TTC6: variants seen among roughly 807,000 people sequenced by gnomAD.
TTC6 encodes tetratricopeptide repeat protein 6.
A neutral mutation model predicts 210.4 loss-of-function variants in TTC6; 172 were observed. That is an observed-to-expected ratio of 0.82 (90% CI 0.72 to 0.93). TTC6 has a LOEUF of 0.93. TTC6 is among the 40% of genes least tolerant of loss of function. The pLI is 0.00. For missense variants in TTC6, 2,414 were observed against 2,318.1 expected (o/e 1.04, Z -0.85); for synonymous variants, 804 against 819.6 (o/e 0.98, Z 0.32).
intron 2 of TTC6, among the ~76,000 whole-genome samples, chr14:37,607,617 C>CTTTTTTTTTTTTTTTTTTTT (rs71433907): frequency 7.1e-6 from 1 of 140,228 alleles, no homozygotes; most frequent in African/African-American, 2.6e-5. Flanking sequence ...AGTATTTAGT[C>CTTTTTTTTTTTTTTTTTTTT]TTTTTTTTTT....
At chr14:37,699,801 T>G (rs2095821433) in intron 4 of TTC6, among the ~76,000 whole-genome samples, 1 of 152,062 alleles carries the variant, frequency 6.6e-6, no homozygotes, top group Non-Finnish European at 1.5e-5. Flanking sequence ...AAAGGAGGAA[T>G]CTAGTTGAGG....
intron 14 of TTC6, among the ~76,000 whole-genome samples, chr14:37,754,991 C>A (rs2095963191): frequency 6.6e-6 from 1 of 152,300 alleles, no homozygotes; most frequent in South Asian, 2.1e-4. Flanking sequence ...ACACTATCTT[C>A]CACAATGGTT....
intron 7 of TTC6, 150 bp downstream of exon 9, chr14:37,725,152 A>T: frequency 2.2e-6 from 1 of 463,416 alleles, no homozygotes; most frequent in Non-Finnish European, 3.8e-6. Flanking sequence ...GTCACTACAG[A>T]AGTTATTTAT....
chr14:37,635,471 G>A (rs377120391), intron 1 of TTC6, among the ~76,000 whole-genome samples: 2 of 152,340 alleles, frequency 1.3e-5, no homozygotes, highest in African/African-American at 4.8e-5. Context: ...GTAACTGTAA[G>A]TGGTCTAAAT....
At chr14:37,737,665 C>T in exon 9 of TTC6, 1 of 1,514,612 alleles carries the variant, frequency 6.6e-7, no homozygotes, top group Non-Finnish European at 8.8e-7. Context: ...CACAGTGTTT[C>T]TTACCAAGAA....
At chr14:37,643,557 A>G (rs1894345180) in intron 1 of TTC6, among the ~76,000 whole-genome samples, 1 of 151,972 alleles carries the variant, frequency 6.6e-6, no homozygotes, top group Admixed American at 6.6e-5. Flanking sequence ...TCATCATCAG[A>G]TTTTTTTCAG....
chr14:37,737,771 A>G, intron 9 of TTC6, 37 bp downstream of exon 11: 2 of 1,145,472 alleles, frequency 1.7e-6, no homozygotes, highest in Non-Finnish European at 1.2e-6. Flanking sequence ...TCTAAAAGAA[A>G]CATTTATATT....
At chr14:37,620,098 C>T (rs574604190), upstream of TTC6, among the ~76,000 whole-genome samples, 2 of 152,154 alleles carry the variant, frequency 1.3e-5, no homozygotes, top group East Asian at 3.9e-4. Flanking sequence ...TGAAATTTTA[C>T]CATTATAGTA....
Position 37,824,044 on chromosome 14 carries a change from T to C in TTC6, c.4974+87T>C. 5 of 1,205,460 alleles carry C rather than the reference T, an allele frequency of 4.1e-6. No individual in the cohort carries two copies. The South Asian group carries it at 6.8e-5, about 16-fold the overall frequency. 74.7% of individuals were successfully genotyped at this position (1,205,460 alleles called of 1,614,324 possible). Reference sequence around the variant, plus strand: ...CTTTCCTGGCAATGGGAGTATATGTTATTTCTTTGGTTATGAACATTTACC... The same window carrying C: ...CTTTCCTGGCAATGGGAGTATATGTCATTTCTTTGGTTATGAACATTTACC... On this transcript the variant is annotated intron_variant, in intron 27 of 30. Coordinates refer to ENST00000553443, the Ensembl canonical transcript of TTC6.
Position 37,749,816 on chromosome 14 carries a change from A to G in TTC6, c.2929A>G (p.Ile977Val), listed in dbSNP as rs562831064. 205 of 1,413,412 alleles carry G rather than the reference A, an allele frequency of 1.5e-4. 2 individuals are homozygous for G. In the African/African-American group the frequency reaches 2.2e-3, roughly 15 times the overall value. The allele number at this position is 1,413,412 out of a possible 1,614,324, so 87.6% of individuals were successfully genotyped here. Residue 977 changes from isoleucine (I) to valine (V), a missense_variant, in exon 12 of 31, where the codon ATA becomes GTA. By Grantham distance (29) the Ile-to-Val change is conservative. Transcript: ENST00000553443. ...TGAAGCTTTGGATGACTTGAATTAT[A>G]TACATAAATATAATAAAAATAATAC...
chr14:37,802,595 C>A (rs1186900532), intron 20 of TTC6, among the ~76,000 whole-genome samples: 1 of 152,062 alleles, frequency 6.6e-6, no homozygotes, highest in East Asian at 1.9e-4. Flanking sequence ...ATCTCCGGAC[C>A]TGTGGAAAGT....
chr14:37,729,307 C>A (rs1321251696), intron 7 of TTC6, among the ~76,000 whole-genome samples: 4 of 152,202 alleles, frequency 2.6e-5, no homozygotes, highest in African/African-American at 9.7e-5. Flanking sequence ...AGATTGCCTT[C>A]ATGCAGAAGA....
intron 10 of TTC6, among the ~76,000 whole-genome samples, chr14:37,748,696 AT>A (rs750041273): frequency 1.3e-5 from 2 of 152,078 alleles, no homozygotes; most frequent in Admixed American, 6.6e-5. Flanking sequence ...CATTGACCTC[AT>A]TTTTTTAGTA....
chr14:37,608,306 G>T (rs56278603), intron 2 of TTC6, among the ~76,000 whole-genome samples: 2,641 of 151,994 alleles, frequency 0.017, 74 homozygotes, highest in African/African-American at 0.061. Context: ...GTGTGTGTGT[G>T]TTTTTGTTGT....
At chr14:37,662,341 A>T (rs1349718955) in intron 1 of TTC6, among the ~76,000 whole-genome samples, 1 of 152,152 alleles carries the variant, frequency 6.6e-6, no homozygotes, top group Non-Finnish European at 1.5e-5. Flanking sequence ...TACTTTGTTT[A>T]TTGAGAGTTT....
intron 21 of TTC6, 59 bp from the exon 24 acceptor site, chr14:37,806,301 AT>A: frequency 7.0e-7 from 1 of 1,428,914 alleles, no homozygotes; most frequent in Non-Finnish European, 9.3e-7. Context: ...ATTCGTTAAC[AT>A]TTTAAAACAA....
intron 13 of TTC6, among the ~76,000 whole-genome samples, chr14:37,751,924 C>T (rs918078082): frequency 2.0e-5 from 3 of 149,912 alleles, no homozygotes; most frequent in Admixed American, 6.7e-5. Flanking sequence ...CCGGGATTCA[C>T]GCCATTCTCC....
chr14:37,609,589 T>TA (rs1215637861), intron 2 of TTC6, among the ~76,000 whole-genome samples: 1 of 152,226 alleles, frequency 6.6e-6, no homozygotes, highest in Admixed American at 6.5e-5. Flanking sequence ...ATGGTATGGA[T>TA]ACCTGAGTCC....
chr14:37,631,333 C>T (rs1159693379), intron 1 of TTC6, among the ~76,000 whole-genome samples: 1 of 152,060 alleles, frequency 6.6e-6, no homozygotes, highest in Non-Finnish European at 1.5e-5. Flanking sequence ...TCAGCATTTG[C>T]TTGTCTGTAA....
Sources: allele counts gnomAD v4.1 joint callset (sites outside exome capture counted in the v4.1 genomes callset), GRCh38; gene constraint gnomAD v4.1.1; transcripts MANE v1.5; gene names NCBI Gene and HGNC (gene_info 2026-07-23, HGNC 2026-07-21).